SULT1B1: variants seen among roughly 807,000 people sequenced by gnomAD.
The protein encoded by SULT1B1 is sulfotransferase 1B1.
Under a neutral mutation model 34.6 loss-of-function variants are expected in SULT1B1, and 28 were observed. The ratio of observed to expected loss-of-function variants is 0.81; its 90% CI spans 0.60 to 1.11. The LOEUF is 1.11. Ranked by LOEUF, SULT1B1 falls within the 50% of genes least tolerant of loss-of-function variation. The pLI, the probability that SULT1B1 is intolerant of heterozygous loss-of-function variation, is 0.00. For synonymous variants in SULT1B1, 147 were observed against 110.2 expected (o/e 1.33, Z -2.09); for missense variants, 374 against 352.2 (o/e 1.06, Z -0.50).
chr4:69,754,878 A>G, intron 2 of SULT1B1, 80 bp from the exon 3 acceptor site: 1 of 1,470,054 alleles, frequency 6.8e-7, no homozygotes, highest in Non-Finnish European at 9.3e-7. Flanking sequence ...AAACACTACC[A>G]TCTTAACACA....
chr4:69,734,350 A>C (rs745652632), intron 4 of SULT1B1, 86 bp from the exon 5 acceptor site: 402 of 1,429,582 alleles, frequency 2.8e-4, no homozygotes, highest in Non-Finnish European at 3.5e-4. Context: ...CATGTAAAAA[A>C]GCAGAGTACT....
At chr4:69,743,942 T>A (rs1440331651) in intron 4 of SULT1B1, among the ~76,000 whole-genome samples, 1 of 152,130 alleles carries the variant, frequency 6.6e-6, no homozygotes, top group African/African-American at 2.4e-5. Flanking sequence ...GCTGCAGATG[T>A]TCCCAGGAAG....
chr4:69,721,850 A>G lies in SULT1B1; in HGVS notation c.*5238T>C, dbSNP rs1180647681. 2 of 152,150 alleles carry G rather than the reference A, an allele frequency of 1.3e-5. No homozygotes were observed. Among genetic ancestry groups the G allele is most frequent in the Non-Finnish European group, 2.9e-5 (2 of 67,990 alleles). 9.4% of individuals were successfully genotyped at this position (152,150 alleles called of 1,614,324 possible). Reference sequence around the variant, plus strand: ...ATCATATCATTGTCAGATATTTGTTATCACTGTCCTTACATCATGGTTCTG... The same window carrying G: ...ATCATATCATTGTCAGATATTTGTTGTCACTGTCCTTACATCATGGTTCTG... On this transcript the variant is annotated 3_prime_UTR_variant, in exon 8 of 8. Coordinates refer to ENST00000310613, the MANE Select transcript of SULT1B1 (RefSeq NM_014465.4).
At chr4:69,732,303 T>G (rs557739858) in intron 6 of SULT1B1, among the ~76,000 whole-genome samples, 152 of 152,276 alleles carry the variant, frequency 1.0e-3, no homozygotes, top group African/African-American at 3.6e-3. Flanking sequence ...CAGAGGATTC[T>G]TTGTGCTAAG....
At chr4:69,737,884 G>A (rs556184730) in intron 4 of SULT1B1, among the ~76,000 whole-genome samples, 1 of 151,906 alleles carries the variant, frequency 6.6e-6, no homozygotes, top group Non-Finnish European at 1.5e-5. Flanking sequence ...TAACTTTTAG[G>A]TCCAGTGGGC....
chr4:69,729,180 G>T (rs755598996), intron 7 of SULT1B1, among the ~76,000 whole-genome samples: 1 of 151,964 alleles, frequency 6.6e-6, no homozygotes, highest in African/African-American at 2.4e-5. Context: ...TCTTCTACCA[G>T]GAAAAAGAAT....
In SULT1B1 at chr4:69,752,091, CTT is replaced by C. The variant is rs375490709; in HGVS notation, c.278-2275_278-2274del. On this transcript the variant is annotated intron_variant, in intron 3 of 7. Coordinates refer to ENST00000310613, the MANE Select transcript of SULT1B1 (RefSeq NM_014465.4). ...TATCATAACCATTTGTTTTAAGAAA[CTT>C]TGCAGTTTGCATTTTAAGTCCTTGA... Among the ~76,000 whole-genome samples, 35 of 152,302 alleles carry C rather than the reference CTT, an allele frequency of 2.3e-4. 2 individuals are homozygous for C. In the South Asian group the frequency reaches 6.8e-3, roughly 30 times the overall value.
intron 4 of SULT1B1, among the ~76,000 whole-genome samples, chr4:69,749,295 C>T (rs984844604): frequency 6.6e-6 from 1 of 151,954 alleles, no homozygotes; most frequent in African/African-American, 2.4e-5. Context: ...AAGAAAAAAA[C>T]ACATAATCTA....
intron 6 of SULT1B1, among the ~76,000 whole-genome samples, chr4:69,731,767 T>C (rs992479376): frequency 1.3e-5 from 2 of 152,206 alleles, no homozygotes; most frequent in Non-Finnish European, 2.9e-5. Context: ...ATGGATATGC[T>C]TAAAAAGGTA....
rs1294018216 is a variant in SULT1B1, at chr4:69,721,333, A to C, written c.*5755T>G. The stretch of plus-strand genomic sequence containing the variant: ...TGTGAAGACAGCTTACATAATAAAA[A>C]CAATTTATACATGGGTCATTGATAA... On this transcript the variant is annotated 3_prime_UTR_variant, in exon 8 of 8. Transcript: ENST00000310613. 1 of 152,154 alleles carries C rather than the reference A, an allele frequency of 6.6e-6. No homozygotes were observed. Among genetic ancestry groups the C allele is most frequent in the Non-Finnish European group, 1.5e-5 (1 of 68,008 alleles). 9.4% of individuals were successfully genotyped at this position (152,154 alleles called of 1,614,324 possible).
chr4:69,728,570 C>A (rs192640255), intron 7 of SULT1B1, among the ~76,000 whole-genome samples: 6 of 151,618 alleles, frequency 4.0e-5, no homozygotes, highest in South Asian at 2.1e-4. Flanking sequence ...TATAGTTATT[C>A]ATGAAGAAGT....
chr4:69,745,960 T>C (rs1718731718), intron 4 of SULT1B1, among the ~76,000 whole-genome samples: 1 of 152,226 alleles, frequency 6.6e-6, no homozygotes, highest in Non-Finnish European at 1.5e-5. Context: ...TGTTCATCAC[T>C]TATGAAGCAG....
In SULT1B1 at chr4:69,726,192, A is replaced by G. The variant is rs979528407; in HGVS notation, c.*896T>C. ...GGCAGAGTGGAGATTCAGCCTAGAG[A>G]GTCTTCCTTGGGCACCAGATTGGGA... is the stretch of plus-strand genomic sequence containing the variant. On this transcript the variant is annotated 3_prime_UTR_variant, in exon 8 of 8. Transcript: ENST00000310613. 1 of 150,206 alleles carries G rather than the reference A, an allele frequency of 6.7e-6. No homozygotes were observed. The highest frequency in any genetic ancestry group is 1.5e-5 in the Non-Finnish European group (1 of 67,488). The allele number at this position is 150,206 out of a possible 1,614,324, so 9.3% of individuals were successfully genotyped here.
chr4:69,734,198 T>G lies in SULT1B1; in HGVS notation c.442A>C (p.Asn148His). The change falls in exon 5 of 8, where the codon AAT (asparagine) becomes CAT (histidine). Residue 148 changes from asparagine to histidine, a missense_variant. Coordinates refer to ENST00000310613, the MANE Select transcript of SULT1B1 (RefSeq NM_014465.4). ...CAGGTACCAGGAAAAGGCTGTAAAT[T>G]ATTCATTAAGTCAAAATGGTAATAT... ...VSYYHFDLMN[N>H]LQPFPGTWEE... The G allele has an allele frequency of 6.2e-7, 1 of 1,613,172 alleles. No homozygotes were observed. Among genetic ancestry groups the G allele is most frequent in the South Asian group, 1.1e-5 (1 of 90,936 alleles).
Position 69,727,039 on chromosome 4 carries a change from A to G in SULT1B1, c.*49T>C. 2 of 1,406,276 alleles carry G rather than the reference A, an allele frequency of 1.4e-6. No individual in the cohort carries two copies. The highest frequency in any genetic ancestry group is 9.7e-7 in the Non-Finnish European group (1 of 1,033,052). 87.1% of individuals were successfully genotyped at this position (1,406,276 alleles called of 1,614,324 possible). A position where few individuals can be genotyped will look rare whatever the true frequency, so the allele number is the denominator to read the frequency against. ...TCAATTCATAACTGCCCTCGTTTCAATCAACTACAGACAATCTCTTATTTC... is the reference window on the plus strand; with the variant it reads ...TCAATTCATAACTGCCCTCGTTTCAGTCAACTACAGACAATCTCTTATTTC... On this transcript the variant is annotated 3_prime_UTR_variant, in exon 8 of 8. Transcript: ENST00000310613.
At chr4:69,743,143 T>C (rs1718616110) in intron 4 of SULT1B1, among the ~76,000 whole-genome samples, 1 of 152,216 alleles carries the variant, frequency 6.6e-6, no homozygotes. Context: ...CAGGCCTGTT[T>C]GTGTTACAGC....
At chr4:69,759,681 A>G (rs1239311510) in intron 1 of SULT1B1, among the ~76,000 whole-genome samples, 1 of 152,228 alleles carries the variant, frequency 6.6e-6, no homozygotes, top group Non-Finnish European at 1.5e-5. Flanking sequence ...ATATAATTAA[A>G]CTAGATATGC....
chr4:69,756,160 TA>T (rs1163303034), intron 1 of SULT1B1, among the ~76,000 whole-genome samples: 6 of 152,350 alleles, frequency 3.9e-5, no homozygotes, highest in African/African-American at 1.4e-4. Context: ...CTCAACTTTT[TA>T]AGCATACTAA....
chr4:69,735,125 T>A (rs115974993), intron 4 of SULT1B1, among the ~76,000 whole-genome samples: 2,051 of 152,226 alleles, frequency 0.013, 57 homozygotes, highest in African/African-American at 0.047. Context: ...GCCTTTTGTA[T>A]TCTTAATGTC....
Sources: gnomAD v4.1 joint callset for allele counts (sites outside exome capture counted in the v4.1 genomes callset) on GRCh38, gnomAD v4.1.1 for gene constraint, MANE v1.5 for transcripts, NCBI Gene and HGNC (gene_info 2026-07-23, HGNC 2026-07-21) for gene names.